COBLL1: variants seen among roughly 807,000 people sequenced by gnomAD.
COBLL1 encodes cordon-bleu protein-like 1.
In COBLL1, 50 loss-of-function variants were observed where a neutral mutation model predicts 94.8. The observed-to-expected ratio is 0.53, with a 90% confidence interval of 0.42 to 0.67. The LOEUF (loss-of-function observed/expected upper bound fraction) is 0.67. Among genes scored for constraint, COBLL1 ranks in the 30% least tolerant of loss-of-function variants. COBLL1 has a pLI of 0.00. For missense variants in COBLL1, 1,362 were observed against 1,348.7 expected, an observed-to-expected ratio of 1.01 and a Z score of -0.15; for synonymous variants, 448 against 473.8, an observed-to-expected ratio of 0.95 and a Z score of 0.71.
At chr2:164,692,129 A>C (rs1683633939) in intron 13 of COBLL1, 92 bp downstream of exon 13, 2 of 1,145,156 alleles carry the variant, frequency 1.7e-6, no homozygotes, top group African/African-American at 3.2e-5. Flanking sequence ...AACCCTATTT[A>C]GATTTACATG....
At chr2:164,833,602 C>T (rs1388505289) in intron 2 of COBLL1, among the ~76,000 whole-genome samples, 3 of 152,026 alleles carry the variant, frequency 2.0e-5, no homozygotes, top group African/African-American at 7.2e-5. Flanking sequence ...AGGCGCCCGC[C>T]ACCACGCCCG....
chr2:164,723,706 C>A (rs892604162), intron 5 of COBLL1: 4 of 151,236 alleles, frequency 2.6e-5, no homozygotes, highest in African/African-American at 9.7e-5. Flanking sequence ...TTGTGTTATG[C>A]TAGAGAACCA....
downstream of COBLL1, among the ~76,000 whole-genome samples, chr2:164,675,189 T>C (rs1020789771): frequency 6.6e-6 from 1 of 152,168 alleles, no homozygotes; most frequent in African/African-American, 2.4e-5. Flanking sequence ...GTTCTTCACA[T>C]TGTGCAACAG....
chr2:164,787,846 C>G (rs1316200294), intron 2 of COBLL1, among the ~76,000 whole-genome samples: 1 of 152,088 alleles, frequency 6.6e-6, no homozygotes, highest in Non-Finnish European at 1.5e-5. Flanking sequence ...AAACGTAAAC[C>G]CTGCAAAATT....
chr2:164,740,575 A>G (rs1686536562), intron 3 of COBLL1, among the ~76,000 whole-genome samples: 4 of 152,196 alleles, frequency 2.6e-5, no homozygotes, highest in African/African-American at 7.2e-5. Flanking sequence ...CTCCATCTAC[A>G]CATAAGGGTT....
Position 164,685,895 on chromosome 2 carries a change from T to C in COBLL1, c.*51A>G. 9.9e-7 allele frequency: 1 copy of C among 1,006,516 alleles called. No homozygotes were observed. The highest frequency in any genetic ancestry group is 1.5e-6 in the Non-Finnish European group (1 of 647,328). The allele number at this position is 1,006,516 out of a possible 1,614,324, so 62.3% of individuals were successfully genotyped here. A position where few individuals can be genotyped will look rare whatever the true frequency, so the allele number is the denominator to read the frequency against. Reference sequence around the variant, plus strand: ...CATTTGCCAAAATGTTCCATTAGTATGAAGTTGGTCTGAAGTGGAAGTGAA... The same window carrying C: ...CATTTGCCAAAATGTTCCATTAGTACGAAGTTGGTCTGAAGTGGAAGTGAA... On this transcript the variant is annotated 3_prime_UTR_variant, in exon 14 of 14. Coordinates refer to ENST00000652658, the MANE Select transcript of COBLL1 (RefSeq NM_001365672.2).
At chr2:164,824,015 A>G (rs1442070007) in intron 2 of COBLL1, among the ~76,000 whole-genome samples, 1 of 152,242 alleles carries the variant, frequency 6.6e-6, no homozygotes, top group Non-Finnish European at 1.5e-5. Flanking sequence ...AATAATTAAA[A>G]TAGCCTATAA....
chr2:164,758,542 C>T (rs1574533158), intron 2 of COBLL1, among the ~76,000 whole-genome samples: 1 of 152,252 alleles, frequency 6.6e-6, no homozygotes, highest in Admixed American at 6.5e-5. Flanking sequence ...TCAACATCAT[C>T]TACTGAAAGC....
chr2:164,681,841 A>G lies in COBLL1; in HGVS notation c.*4105T>C, dbSNP rs1370084984. 6.6e-6 allele frequency: 1 copy of G among 152,218 alleles called. No homozygotes were observed. The highest frequency in any genetic ancestry group is 2.4e-5 in the African/African-American group (1 of 41,476). 9.4% of individuals were successfully genotyped at this position (152,218 alleles called of 1,614,324 possible). A position where few individuals can be genotyped will look rare whatever the true frequency, so the allele number is the denominator to read the frequency against. On this transcript the variant is annotated 3_prime_UTR_variant, in exon 14 of 14. Coordinates refer to ENST00000652658, the MANE Select transcript of COBLL1 (RefSeq NM_001365672.2). ...TCTCTACAAATTACCAGAATGTTCC[A>G]CAACTCTTCTCAAAATACCTGTCAA...
intron 2 of COBLL1, among the ~76,000 whole-genome samples, chr2:164,797,348 T>C (rs1200725514): frequency 1.3e-5 from 2 of 152,212 alleles, no homozygotes; most frequent in Non-Finnish European, 2.9e-5. Context: ...ACTCTAACTA[T>C]TGTATAATGA....
chr2:164,730,080 G>A lies in COBLL1; in HGVS notation c.266C>T (p.Ala89Val), dbSNP rs1259642839. Residue 89 changes from alanine to valine, a missense_variant, in exon 4 of 14, where the codon GCA (alanine) becomes GTA (valine). Coordinates refer to ENST00000652658, the MANE Select transcript of COBLL1 (RefSeq NM_001365672.2). The stretch of plus-strand genomic sequence containing the variant: ...ACTTGATGGATTTAAGTGATACTGT[G>A]CACAAAGGAATATCAACAAGTCCAT... ...PMMDLLIFLC[A>V]QYHLNPSSYT... 6.2e-7 allele frequency: 1 copy of A among 1,613,744 alleles called. No homozygotes were observed. Among genetic ancestry groups the A allele is most frequent in the African/African-American group, 1.3e-5 (1 of 74,906 alleles).
rs781045622 is a variant in COBLL1, at chr2:164,837,409, C to T, written c.41+3747G>A. 143 of 453,988 alleles carry T rather than the reference C, an allele frequency of 3.1e-4. 1 individual carries two copies. Among genetic ancestry groups the T allele is most frequent in the South Asian group, 2.3e-3 (139 of 59,596 alleles). The allele number at this position is 453,988 out of a possible 1,614,324, so 28.1% of individuals were successfully genotyped here. ...AATAAATTTACTAATTGGATATCCA[C>T]GTTAGAGAAGGAAATTACTTTTGAC... On this transcript the variant is annotated intron_variant, in intron 2 of 13. Coordinates refer to ENST00000652658, the MANE Select transcript of COBLL1 (RefSeq NM_001365672.2).
chr2:164,702,359 C>A (rs954908144), intron 9 of COBLL1, among the ~76,000 whole-genome samples: 1 of 151,478 alleles, frequency 6.6e-6, no homozygotes, highest in Non-Finnish European at 1.5e-5. Flanking sequence ...GTCAGGAGAT[C>A]GAGACCATCC....
At chr2:164,796,195 T>G (rs1403500090) in intron 2 of COBLL1, among the ~76,000 whole-genome samples, 2 of 152,288 alleles carry the variant, frequency 1.3e-5, no homozygotes, top group Non-Finnish European at 2.9e-5. Flanking sequence ...AAAAGAGTCA[T>G]AGTGGACACT....
chr2:164,812,780 C>T (rs943353605), intron 2 of COBLL1, among the ~76,000 whole-genome samples: 1 of 151,992 alleles, frequency 6.6e-6, no homozygotes, highest in Non-Finnish European at 1.5e-5. Context: ...AAAATTATAA[C>T]CCTGATTTTA....
At chr2:164,755,909 C>T (rs1241350440) in intron 2 of COBLL1, among the ~76,000 whole-genome samples, 1 of 152,170 alleles carries the variant, frequency 6.6e-6, no homozygotes, top group East Asian at 1.9e-4. Flanking sequence ...AGAAGTTGTT[C>T]TGCCTCATGC....
chr2:164,746,152 G>T (rs577575208), intron 2 of COBLL1, among the ~76,000 whole-genome samples: 5 of 151,872 alleles, frequency 3.3e-5, no homozygotes, highest in African/African-American at 1.2e-4. Flanking sequence ...TACAAATTCC[G>T]CCAGCTCTAT....
At chr2:164,776,591 G>A (rs1214149321) in intron 2 of COBLL1, among the ~76,000 whole-genome samples, 1 of 150,412 alleles carries the variant, frequency 6.6e-6, no homozygotes, top group Non-Finnish European at 1.5e-5. Flanking sequence ...TATTTTGTCT[G>A]TCTGCCCCCT....
chr2:164,704,900 A>C, intron 8 of COBLL1, 52 bp downstream of exon 8: 2 of 1,480,370 alleles, frequency 1.4e-6, no homozygotes, highest in South Asian at 2.8e-5. Context: ...CCTACTGTCC[A>C]TATTAAACAA....
Sources: allele counts gnomAD v4.1 joint callset (sites outside exome capture counted in the v4.1 genomes callset), GRCh38; gene constraint gnomAD v4.1.1; transcripts MANE v1.5; gene names NCBI Gene and HGNC (gene_info 2026-07-23, HGNC 2026-07-21).